The following CHN2 variants were observed in gnomAD, a reference collection of about 807,000 sequenced individuals.
CHN2 encodes beta-chimaerin.
In CHN2, 35 loss-of-function variants were observed where a neutral mutation model predicts 56.3. The ratio of observed to expected loss-of-function variants is 0.62; its 90% CI spans 0.47 to 0.82. The LOEUF (loss-of-function observed/expected upper bound fraction) is 0.82. CHN2 is among the 40% of genes least tolerant of loss of function. CHN2 has a pLI of 0.00. For synonymous variants in CHN2, 210 were observed against 212.8 expected (o/e 0.99, Z 0.12); for missense variants, 491 against 580.5 (o/e 0.85, Z 1.58).
intron 6 of CHN2, among the ~76,000 whole-genome samples, chr7:29,428,585 A>G (rs1370038589): frequency 6.6e-6 from 1 of 152,098 alleles, no homozygotes; most frequent in Non-Finnish European, 1.5e-5. Flanking sequence ...TCTTCAACCA[A>G]CACAACAAGT....
intron 6 of CHN2, among the ~76,000 whole-genome samples, chr7:29,471,994 C>A (rs1209653533): frequency 6.6e-6 from 1 of 151,988 alleles, no homozygotes; most frequent in Non-Finnish European, 1.5e-5. Flanking sequence ...ACAAACAGGG[C>A]AATTCTTAGG....
intron 2 of CHN2, among the ~76,000 whole-genome samples, chr7:29,157,038 G>A (rs1207863094): frequency 1.3e-5 from 2 of 152,144 alleles, no homozygotes; most frequent in African/African-American, 2.4e-5. Flanking sequence ...AAGTAATCTC[G>A]TCTGTGGAAA....
At chr7:29,339,733 A>T (rs908165912) in intron 1 of CHN2, among the ~76,000 whole-genome samples, 1 of 152,054 alleles carries the variant, frequency 6.6e-6, no homozygotes, top group Non-Finnish European at 1.5e-5. Context: ...CGTGCCTGCA[A>T]TCCCAGCTAC....
chr7:29,210,032 T>C (rs779000098), intron 1 of CHN2, among the ~76,000 whole-genome samples: 1 of 152,220 alleles, frequency 6.6e-6, no homozygotes, highest in Non-Finnish European at 1.5e-5. Context: ...TATCATTTTG[T>C]GACTTTGATG....
chr7:29,400,091 C>G (rs1802075696), intron 5 of CHN2: 1 of 183,734 alleles, frequency 5.4e-6, no homozygotes, highest in African/African-American at 2.4e-5. Context: ...AGGACCAGGA[C>G]AGGGCATCCC....
intron 1 of CHN2, among the ~76,000 whole-genome samples, chr7:29,274,937 G>A (rs1791062321): frequency 6.6e-6 from 1 of 152,168 alleles, no homozygotes; most frequent in Non-Finnish European, 1.5e-5. Flanking sequence ...AAAGGGTGTG[G>A]GAGGAGGGTG....
intron 1 of CHN2, among the ~76,000 whole-genome samples, chr7:29,293,534 C>G (rs557722473): frequency 6.6e-6 from 1 of 152,320 alleles, no homozygotes; most frequent in Non-Finnish European, 1.5e-5. Flanking sequence ...ACTTCTCTGT[C>G]TTTACATCAC....
chr7:29,463,163 A>G (rs778514289), intron 6 of CHN2, among the ~76,000 whole-genome samples: 10 of 152,128 alleles, frequency 6.6e-5, no homozygotes, highest in Non-Finnish European at 1.5e-4. Flanking sequence ...TGAGGGAAGA[A>G]CCAGGTCCCC....
intron 2 of CHN2, among the ~76,000 whole-genome samples, chr7:29,160,712 G>C (rs1307102913): frequency 6.6e-6 from 1 of 152,130 alleles, no homozygotes; most frequent in Non-Finnish European, 1.5e-5. Flanking sequence ...TTGTGACCAT[G>C]AGGAAAAACC....
intron 6 of CHN2, among the ~76,000 whole-genome samples, chr7:29,451,869 A>G (rs972006384): frequency 6.6e-6 from 1 of 152,154 alleles, no homozygotes; most frequent in South Asian, 2.1e-4. Flanking sequence ...CTTTTTTAGT[A>G]GCCACTGATG....
chr7:29,157,449 C>T (rs1794553185), intron 2 of CHN2, among the ~76,000 whole-genome samples: 1 of 37,178 alleles, frequency 2.7e-5, no homozygotes, highest in Non-Finnish European at 4.6e-5. Flanking sequence ...AGTCACTAAG[C>T]TGGAAACTTT....
intron 1 of CHN2, among the ~76,000 whole-genome samples, chr7:29,287,028 G>A (rs1326643497): frequency 3.9e-5 from 6 of 152,130 alleles, no homozygotes; most frequent in Admixed American, 2.6e-4. Context: ...CCCTGGGGAT[G>A]GGGACCCTTT....
intron 3 of CHN2, among the ~76,000 whole-genome samples, chr7:29,378,609 A>G (rs575807740): frequency 6.6e-6 from 1 of 152,332 alleles, no homozygotes; most frequent in African/African-American, 2.4e-5. Flanking sequence ...TAAGATATTT[A>G]CTTTATAGCC....
intron 1 of CHN2, among the ~76,000 whole-genome samples, chr7:29,316,261 T>C (rs990405192): frequency 6.6e-6 from 1 of 152,232 alleles, no homozygotes; most frequent in African/African-American, 2.4e-5. Context: ...ATTTAGATTC[T>C]GGATAAATAG....
intron 3 of CHN2, among the ~76,000 whole-genome samples, chr7:29,377,315 C>T (rs1008241599): frequency 1.3e-5 from 2 of 152,210 alleles, no homozygotes; most frequent in Admixed American, 6.5e-5. Flanking sequence ...TGAGCGACCA[C>T]GCCCCGCCTC....
At chr7:29,260,292 G>A (rs1326473240) in intron 1 of CHN2, among the ~76,000 whole-genome samples, 2 of 152,074 alleles carry the variant, frequency 1.3e-5, no homozygotes, top group Admixed American at 6.5e-5. Context: ...ATCTAACTTC[G>A]GATTTGAGTC....
chr7:29,394,647 C>T (rs776161571), intron 4 of CHN2, among the ~76,000 whole-genome samples: 2 of 152,232 alleles, frequency 1.3e-5, no homozygotes, highest in Non-Finnish European at 2.9e-5. Flanking sequence ...CACTGGCCTC[C>T]GCTCCTCTCT....
At chr7:29,478,400 G>A (rs1457943047) in intron 6 of CHN2, among the ~76,000 whole-genome samples, 1 of 152,174 alleles carries the variant, frequency 6.6e-6, no homozygotes, top group East Asian at 1.9e-4. Flanking sequence ...GAAGATTGTT[G>A]TAGAGCGATG....
At chr7:29,251,627 A>T (rs1788529636) in intron 1 of CHN2, among the ~76,000 whole-genome samples, 1 of 152,224 alleles carries the variant, frequency 6.6e-6, no homozygotes, top group Non-Finnish European at 1.5e-5. Context: ...TAACACTTAC[A>T]CAGAATTTCA....
Sources: gnomAD v4.1 joint callset for allele counts (sites outside exome capture counted in the v4.1 genomes callset) on GRCh38, gnomAD v4.1.1 for gene constraint, MANE v1.5 for transcripts, NCBI Gene and HGNC (gene_info 2026-07-23, HGNC 2026-07-21) for gene names.